ZNF44: variants seen among roughly 807,000 people sequenced by gnomAD.
ZNF44 encodes gonadotropin inducible transcription repressor-2.
A neutral mutation model predicts 11.7 loss-of-function variants in ZNF44; 9 were observed. The observed-to-expected ratio is 0.77, with a 90% confidence interval of 0.46 to 1.35. The LOEUF (loss-of-function observed/expected upper bound fraction) is 1.35. ZNF44 is among the 40% of genes most tolerant of loss of function. The pLI, the probability that ZNF44 is intolerant of heterozygous loss-of-function variation, is 0.00. For synonymous variants in ZNF44, 224 were observed against 242.7 expected (o/e 0.92, Z 0.72); for missense variants, 696 against 743.1 (o/e 0.94, Z 0.74).
chr19:12,284,443 G>A (rs370164833), intron 1 of ZNF44: 69 of 636,500 alleles, frequency 1.1e-4, no homozygotes, highest in South Asian at 8.6e-4. Flanking sequence ...ATCCGGGGCC[G>A]GGGCCGCGGA....
At chr19:12,263,980 C>G (rs1599514866) in intron 5 of ZNF44, among the ~76,000 whole-genome samples, 1 of 151,736 alleles carries the variant, frequency 6.6e-6, no homozygotes, top group South Asian at 2.1e-4. Context: ...GTAGTCCTAG[C>G]TACTTGGGAG....
downstream of ZNF44, among the ~76,000 whole-genome samples, chr19:12,244,270 G>A (rs879466318): frequency 4.6e-5 from 7 of 152,126 alleles, no homozygotes; most frequent in Non-Finnish European, 1.0e-4. Context: ...TCCCAAGTAC[G>A]TGGAATTATA....
At chr19:12,241,701 T>C (rs1459097100), upstream of ZNF44, among the ~76,000 whole-genome samples, 1 of 151,982 alleles carries the variant, frequency 6.6e-6, no homozygotes, top group African/African-American at 2.4e-5. Flanking sequence ...TTGCAATCAA[T>C]CAACCATGGA....
At chr19:12,263,624 CAA>C (rs778033529) in intron 5 of ZNF44, among the ~76,000 whole-genome samples, 9 of 151,566 alleles carry the variant, frequency 5.9e-5, no homozygotes, top group Non-Finnish European at 1.2e-4. Context: ...AAACAAAAAA[CAA>C]AAAAACAAAA....
rs185550689 is a variant in ZNF44 at position 12,289,773 on chromosome 19, T to C, written c.3+4919A>G. Among the ~76,000 whole-genome samples the C allele has an allele frequency of 5.3e-4, 80 of 150,840 alleles. No individual in the cohort carries two copies. In the Middle Eastern group the frequency reaches 0.017, roughly 32 times the overall value. ...CATTCTCCTGCCTCAGCCTCCCGAGTAGCACCCGCCAGCATGCCTGGCTAA... is the reference window on the plus strand; with the variant it reads ...CATTCTCCTGCCTCAGCCTCCCGAGCAGCACCCGCCAGCATGCCTGGCTAA... On this transcript the variant is annotated intron_variant, in intron 1 of 3. Transcript: ENST00000355684.
chr19:12,292,855 G>GTTTTTTTTTTTTTTTTTTTTTTTTT (rs71166664), intron 1 of ZNF44, among the ~76,000 whole-genome samples: 5 of 76,936 alleles, frequency 6.5e-5, no homozygotes, highest in African/African-American at 1.9e-4. Flanking sequence ...CAGAGGTTAG[G>GTTTTTTTTTTTTTTTTTTTTTTTTT]TTTTTTTTTT....
intron 1 of ZNF44, among the ~76,000 whole-genome samples, chr19:12,289,564 C>T (rs1408964869): frequency 6.6e-6 from 1 of 152,036 alleles, no homozygotes; most frequent in East Asian, 1.9e-4. Flanking sequence ...CAACTTTCCA[C>T]CTAAGCTTTA....
chr19:12,250,372 AAACATTCCAAATGTGTGT>A (rs1344246958), intron 5 of ZNF44: 5 of 1,356,690 alleles, frequency 3.7e-6, no homozygotes, highest in Non-Finnish European at 4.9e-6. Flanking sequence ...CTGAGTCCTA[AAACATTCCAAATGTGTGT>A]AAAGGAGAAT....
chr19:12,232,152 A>C (rs939075780), intron 2 of ZNF44, among the ~76,000 whole-genome samples: 1 of 152,252 alleles, frequency 6.6e-6, no homozygotes, highest in Non-Finnish European at 1.5e-5. Flanking sequence ...GCATACACAT[A>C]AACATCTCAA....
At chr19:12,232,695 G>T (rs1476988620) in intron 2 of ZNF44, among the ~76,000 whole-genome samples, 1 of 151,914 alleles carries the variant, frequency 6.6e-6, no homozygotes, top group Non-Finnish European at 1.5e-5. Flanking sequence ...CAAGGCAGAA[G>T]AATTTTTCTT....
chr19:12,245,973 A>G (rs988030015), downstream of ZNF44, among the ~76,000 whole-genome samples: 1 of 152,222 alleles, frequency 6.6e-6, no homozygotes, highest in Non-Finnish European at 1.5e-5. Context: ...TCAGACAGGT[A>G]GAGTTCCACA....
chr19:12,256,300 A>G (rs1289357459), intron 5 of ZNF44, among the ~76,000 whole-genome samples: 1 of 152,062 alleles, frequency 6.6e-6, no homozygotes, highest in Non-Finnish European at 1.5e-5. Flanking sequence ...TAGCCTGGCC[A>G]ACATGGTGAA....
chr19:12,288,289 A>T (rs1202818071), intron 1 of ZNF44, among the ~76,000 whole-genome samples: 1 of 152,246 alleles, frequency 6.6e-6, no homozygotes, highest in Non-Finnish European at 1.5e-5. Context: ...TCAGTTTGTT[A>T]TAAAGTATAT....
chr19:12,291,661 G>A lies in ZNF44; in HGVS notation c.3+3031C>T, dbSNP rs1039779749. 2.6e-5 allele frequency among the ~76,000 whole-genome samples: 4 copies of A among 151,862 alleles called. No individual in the cohort carries two copies. The East Asian group carries it at 7.7e-4, about 29-fold the overall frequency. On this transcript the variant is annotated intron_variant, in intron 1 of 3. Transcript: ENST00000355684. Reference sequence around the variant, plus strand: ...TGCAGTAAGCTGAGATCGTACCACAGCACTCCTGGGTGATAGAGGGAGACC... The same window carrying A: ...TGCAGTAAGCTGAGATCGTACCACAACACTCCTGGGTGATAGAGGGAGACC...
intron 3 of ZNF44, among the ~76,000 whole-genome samples, chr19:12,229,272 A>C (rs1916056065): frequency 6.6e-6 from 1 of 152,212 alleles, no homozygotes; most frequent in South Asian, 2.1e-4. Flanking sequence ...AGGGCTAGGA[A>C]AACAGTTTCC....
At chr19:12,274,951 G>C in intron 3 of ZNF44, 22 bp downstream of exon 3, 2 of 1,558,804 alleles carry the variant, frequency 1.3e-6, no homozygotes, top group Non-Finnish European at 8.7e-7. Context: ...GACATCACCT[G>C]TCTCTTATAA....
In ZNF44 at chr19:12,272,785, G is replaced by A; in HGVS notation, c.1470C>T (p.Tyr490=). 6.2e-7 allele frequency: 1 copy of A among 1,613,738 alleles called. No individual in the cohort carries two copies. Among genetic ancestry groups the A allele is most frequent in the Non-Finnish European group, 8.5e-7 (1 of 1,179,846 alleles). ...ECGKAFSSFK[Y]FCRHERTHSE... ...TGTGAGTCCTTTCATGGCGACAAAA[G>A]TATTTAAAAGAACTAAATGCTTTCC... Residue 490 remains tyrosine (Y), a synonymous_variant, in exon 4 of 4, where the codon TAC becomes TAT. Transcript: ENST00000355684.
Position 12,272,544 on chromosome 19 carries a change from G to A in ZNF44, c.1711C>T (p.Arg571Cys), listed in dbSNP as rs545392196. The A allele has an allele frequency of 3.1e-6, 5 of 1,612,042 alleles. No homozygotes were observed. The highest frequency in any genetic ancestry group is 1.1e-5 in the South Asian group (1 of 90,686). Residue 571 changes from arginine to cysteine, a missense_variant, in exon 4 of 4, where the codon CGT (arginine) becomes TGT (cysteine). Coordinates refer to ENST00000355684, the MANE Select transcript of ZNF44 (RefSeq NM_016264.4). ...ECKHCGKAFSRSSFCREHERT... is the reference protein window; with the variant it reads ...ECKHCGKAFSCSSFCREHERT... ...TCATGTTCTCGACAGAAACTGGAACGACTGAAGGCTTTACCACAGTGTTTA... is the reference window on the plus strand; with the variant it reads ...TCATGTTCTCGACAGAAACTGGAACAACTGAAGGCTTTACCACAGTGTTTA...
At position 12,294,812 on chromosome 19, in the gene ZNF44, A is replaced by C; in HGVS notation, c.-118T>G. On this transcript the variant is annotated 5_prime_UTR_variant, in exon 1 of 4. Transcript: ENST00000355684. ...CTCTCAGTGACAGAATACGGAACAG[A>C]GGTCACCAGGGTGAAGAGGCCACTA... The C allele has an allele frequency of 8.0e-7, 1 of 1,256,906 alleles. No individual in the cohort carries two copies. The highest frequency in any genetic ancestry group is 3.0e-5 in the East Asian group (1 of 32,844). 77.9% of individuals were successfully genotyped at this position (1,256,906 alleles called of 1,614,324 possible). A position where few individuals can be genotyped will look rare whatever the true frequency, so the allele number is the denominator to read the frequency against.
Sources: allele counts gnomAD v4.1 joint callset (sites outside exome capture counted in the v4.1 genomes callset), GRCh38; gene constraint gnomAD v4.1.1; transcripts MANE v1.5; gene names NCBI Gene and HGNC (gene_info 2026-07-23, HGNC 2026-07-21).